CSMD1: variants seen among roughly 807,000 people sequenced by gnomAD.
CSMD1 encodes CUB and sushi domain-containing protein 1.
In CSMD1, 213 loss-of-function variants were observed where a neutral mutation model predicts 417.5. The observed-to-expected ratio is 0.51, with a 90% CI of 0.46 to 0.57. The LOEUF is 0.57. Among genes scored for constraint, CSMD1 ranks in the 20% least tolerant of loss-of-function variants. The probability of loss-of-function intolerance (pLI) is 0.00; values close to 1 mark genes in which losing one functional copy is unlikely to be tolerated. For missense variants in CSMD1, 6,923 were observed against 4,529.7 expected, an observed-to-expected ratio of 1.53 and a Z score of -15.17; for synonymous variants, 2,862 against 1,736.8, an observed-to-expected ratio of 1.65 and a Z score of -16.11.
chr8:4,822,675 A>C (rs117250847), intron 1 of CSMD1, among the ~76,000 whole-genome samples: 3,756 of 152,220 alleles, frequency 0.025, 67 homozygotes, highest in Middle Eastern at 0.058. Flanking sequence ...ATTTATTTAA[A>C]ATATAATTAG....
chr8:3,862,984 T>G lies in CSMD1; in HGVS notation c.819-108942A>C, dbSNP rs113355848. 3.8e-3 allele frequency among the ~76,000 whole-genome samples: 579 copies of G among 152,314 alleles called. 4 individuals carry two copies. The highest frequency in any genetic ancestry group is 0.013 in the African/African-American group (547 of 41,568). On this transcript the variant is annotated intron_variant, in intron 5 of 69. Transcript: ENST00000635120. ...ATTCTGGAGTCTGGAGATTCCAATA[T>G]CAAGGTACCAACAGATTTGGTATCT...
chr8:4,993,312 A>G (rs941359436), intron 1 of CSMD1, among the ~76,000 whole-genome samples: 1 of 149,680 alleles, frequency 6.7e-6, no homozygotes, highest in African/African-American at 2.4e-5. Context: ...ACTGATAAAG[A>G]AAGCATCTAA....
Position 3,826,855 on chromosome 8 carries a change from T to G in CSMD1, c.819-72813A>C, listed in dbSNP as rs941310604. Among the ~76,000 whole-genome samples, 7 of 152,292 alleles carry G rather than the reference T, an allele frequency of 4.6e-5. No homozygotes were observed. In the East Asian group the frequency reaches 7.7e-4, roughly 17 times the overall value. ...AGGCTGCAGTGTAGTGGTGTGATCA[T>G]AGCTCACTGCAGCATCGGCCTCCTG... On this transcript the variant is annotated intron_variant, in intron 5 of 69. Coordinates refer to ENST00000635120, the MANE Select transcript of CSMD1 (RefSeq NM_033225.6).
intron 1 of CSMD1, among the ~76,000 whole-genome samples, chr8:4,896,640 C>A (rs933787540): frequency 4.6e-5 from 7 of 152,068 alleles, no homozygotes; most frequent in African/African-American, 1.5e-4. Context: ...GAAACCACTG[C>A]AAGTATTTAA....
At chr8:4,460,659 G>C (rs1412485447) in intron 2 of CSMD1, among the ~76,000 whole-genome samples, 1 of 131,058 alleles carries the variant, frequency 7.6e-6, no homozygotes, top group East Asian at 1.9e-4. Flanking sequence ...TATTTAAGAA[G>C]AAGACTGTAA....
At chr8:3,223,654 G>C in intron 28 of CSMD1, 75 bp downstream of exon 28, 5 of 1,457,300 alleles carry the variant, frequency 3.4e-6, no homozygotes, top group Admixed American at 1.7e-5. Flanking sequence ...GAGACTATGA[G>C]GTCATAAAAG....
chr8:4,174,669 G>T, intron 3 of CSMD1, among the ~76,000 whole-genome samples: 1 of 141,688 alleles, frequency 7.1e-6, no homozygotes, highest in Non-Finnish European at 1.5e-5. Flanking sequence ...ACAGACCCAT[G>T]CTAACATGCT....
intron 37 of CSMD1, among the ~76,000 whole-genome samples, chr8:3,167,498 T>A (rs191120532): frequency 6.6e-6 from 1 of 152,260 alleles, no homozygotes; most frequent in Non-Finnish European, 1.5e-5. Context: ...AACGCAGGCA[T>A]TGGGAAAGGA....
intron 1 of CSMD1, among the ~76,000 whole-genome samples, chr8:4,829,421 G>T (rs547004620): frequency 2.0e-5 from 3 of 152,096 alleles, no homozygotes; most frequent in African/African-American, 4.8e-5. Context: ...ACCTTTTACT[G>T]CTGAACATCT....
chr8:3,012,490 T>C (rs1808470110), intron 52 of CSMD1, among the ~76,000 whole-genome samples: 1 of 152,128 alleles, frequency 6.6e-6, no homozygotes, highest in Non-Finnish European at 1.5e-5. Flanking sequence ...GCGATGAAAC[T>C]GAAGCACAAT....
In CSMD1 at chr8:3,997,828, T is replaced by C. The variant is rs543881832; in HGVS notation, c.818+75A>G. 13 of 1,330,506 alleles carry C rather than the reference T, an allele frequency of 9.8e-6. No homozygotes were observed. The African/African-American group carries it at 1.8e-4, about 19-fold the overall frequency. 82.4% of individuals were successfully genotyped at this position (1,330,506 alleles called of 1,614,324 possible). On this transcript the variant is annotated intron_variant, in intron 5 of 69. Coordinates refer to ENST00000635120, the MANE Select transcript of CSMD1 (RefSeq NM_033225.6). Reference sequence around the variant, plus strand: ...CCCATGAACGTCCAGAGACAAGCAATTCTTGAAGCTCGTTGGGGGAAAAAA... The same window carrying C: ...CCCATGAACGTCCAGAGACAAGCAACTCTTGAAGCTCGTTGGGGGAAAAAA...
intron 2 of CSMD1, among the ~76,000 whole-genome samples, chr8:4,495,432 A>G (rs564981296): frequency 2.6e-5 from 4 of 152,132 alleles, no homozygotes; most frequent in East Asian, 1.9e-4. Flanking sequence ...AAAATTAGCT[A>G]GGCCTGGTGA....
Position 4,680,731 on chromosome 8 carries a change from C to G in CSMD1, c.86-43173G>C, listed in dbSNP as rs542389120. On this transcript the variant is annotated intron_variant, in intron 1 of 69. Transcript: ENST00000635120. ...AGTAGCTGGGATTACAGGTGAGGCC[C>G]ACCACACCCAGCTATTTTTTGTATT... 2.0e-5 allele frequency among the ~76,000 whole-genome samples: 3 copies of G among 152,096 alleles called. No homozygotes were observed. The South Asian group carries it at 6.2e-4, about 32-fold the overall frequency.
chr8:4,766,271 A>G (rs764713193), intron 1 of CSMD1, among the ~76,000 whole-genome samples: 3 of 152,154 alleles, frequency 2.0e-5, no homozygotes, highest in Non-Finnish European at 4.4e-5. Flanking sequence ...TCCTGTCGTG[A>G]CTATCTTACC....
At chr8:3,759,315 G>T (rs1014564786) in intron 5 of CSMD1, among the ~76,000 whole-genome samples, 4 of 152,060 alleles carry the variant, frequency 2.6e-5, no homozygotes, top group Non-Finnish European at 5.9e-5. Context: ...CTGAGGAAAA[G>T]GACAGAAAAC....
At chr8:3,179,632 TA>T (rs1821186662) in intron 37 of CSMD1, among the ~76,000 whole-genome samples, 1 of 152,128 alleles carries the variant, frequency 6.6e-6, no homozygotes, top group South Asian at 2.1e-4. Context: ...GACAAAGGAA[TA>T]AAAACCCAGA....
chr8:4,801,021 T>C (rs949298969), intron 1 of CSMD1, among the ~76,000 whole-genome samples: 7 of 152,210 alleles, frequency 4.6e-5, no homozygotes, highest in Non-Finnish European at 1.5e-5. Flanking sequence ...GTCTTCAATA[T>C]CTTGGATTCA....
intron 1 of CSMD1, among the ~76,000 whole-genome samples, chr8:4,757,072 T>A (rs776933491): frequency 6.6e-6 from 1 of 152,162 alleles, no homozygotes; most frequent in African/African-American, 2.4e-5. Flanking sequence ...GAAACAGAAA[T>A]GGCAAGAAAC....
At position 4,802,610 on chromosome 8, in the gene CSMD1, A is replaced by G. The variant is rs555546535; in HGVS notation, c.86-165052T>C. ...TTTTTCTTACACTTAATTCACAATG[A>G]CTCTAGGTATCCTGTCTGTTTCTAG... is the stretch of plus-strand genomic sequence containing the variant. On this transcript the variant is annotated intron_variant, in intron 1 of 69. Coordinates refer to ENST00000635120, the MANE Select transcript of CSMD1 (RefSeq NM_033225.6). 1.5e-3 allele frequency among the ~76,000 whole-genome samples: 226 copies of G among 152,028 alleles called. 3 individuals are homozygous for G. The highest frequency in any genetic ancestry group is 8.8e-5 in the Non-Finnish European group (6 of 67,976).
Sources: allele counts gnomAD v4.1 joint callset (sites outside exome capture counted in the v4.1 genomes callset), GRCh38; gene constraint gnomAD v4.1.1; transcripts MANE v1.5; gene names NCBI Gene and HGNC (gene_info 2026-07-23, HGNC 2026-07-21).